CHSY3: variants seen among roughly 807,000 people sequenced by gnomAD.
The protein encoded by CHSY3 is N-acetylgalactosaminyl-proteoglycan 3-beta-glucuronosyltransferase 3.
A neutral mutation model predicts 67.2 loss-of-function variants in CHSY3; 35 were observed. The ratio of observed to expected loss-of-function variants is 0.52; its 90% CI spans 0.40 to 0.69. The LOEUF (loss-of-function observed/expected upper bound fraction) is 0.69. Ranked by LOEUF, CHSY3 falls within the 30% of genes least tolerant of loss-of-function variation. The pLI, the probability that CHSY3 is intolerant of heterozygous loss-of-function variation, is 0.00. For synonymous variants in CHSY3, 474 were observed against 434.7 expected (o/e 1.09, Z -1.12); for missense variants, 1,069 against 1,138.5 (o/e 0.94, Z 0.88).
chr5:129,952,229 C>T (rs1307996206), intron 2 of CHSY3, among the ~76,000 whole-genome samples: 1 of 152,082 alleles, frequency 6.6e-6, no homozygotes, highest in Non-Finnish European at 1.5e-5. Context: ...AAGCAGAGCC[C>T]TTGTCCTGCT....
At chr5:129,992,099 G>A (rs1034051421) in intron 2 of CHSY3, among the ~76,000 whole-genome samples, 3 of 152,124 alleles carry the variant, frequency 2.0e-5, no homozygotes, top group African/African-American at 7.2e-5. Flanking sequence ...TTTCTTTTCT[G>A]GGAACTTCTT....
At chr5:129,984,749 T>G (rs977934288) in intron 2 of CHSY3, among the ~76,000 whole-genome samples, 1 of 152,316 alleles carries the variant, frequency 6.6e-6, no homozygotes, top group African/African-American at 2.4e-5. Context: ...ATTGTGGTTT[T>G]TATTTGCATA....
chr5:130,119,641 C>G (rs73785896), intron 2 of CHSY3, among the ~76,000 whole-genome samples: 38 of 152,136 alleles, frequency 2.5e-4, no homozygotes, highest in African/African-American at 9.2e-4. Flanking sequence ...TGCTTATATT[C>G]TTGACTCAGC....
intron 2 of CHSY3, among the ~76,000 whole-genome samples, chr5:129,997,426 A>G (rs1006849729): frequency 1.3e-5 from 2 of 152,182 alleles, no homozygotes; most frequent in African/African-American, 4.8e-5. Context: ...CCCCATGCCA[A>G]CTCAGATCCT....
chr5:130,129,080 A>G (rs1411628916), intron 2 of CHSY3, among the ~76,000 whole-genome samples: 8 of 152,164 alleles, frequency 5.3e-5, no homozygotes, highest in African/African-American at 1.7e-4. Context: ...GGGTGGACAC[A>G]GAAAGTCCTA....
chr5:129,939,629 T>C (rs1761634856), intron 2 of CHSY3, among the ~76,000 whole-genome samples: 1 of 152,242 alleles, frequency 6.6e-6, no homozygotes, highest in South Asian at 2.1e-4. Context: ...AAGTCTTGTC[T>C]ATCTGAATGA....
chr5:129,904,167 G>C (rs1343376984), upstream of CHSY3, among the ~76,000 whole-genome samples: 1 of 151,862 alleles, frequency 6.6e-6, no homozygotes, highest in East Asian at 2.0e-4. Context: ...GAAATGGGAC[G>C]AAGAGCAAGA....
At chr5:129,932,163 C>G (rs1188975222) in intron 2 of CHSY3, among the ~76,000 whole-genome samples, 2 of 137,310 alleles carry the variant, frequency 1.5e-5, no homozygotes, top group African/African-American at 2.8e-5. Flanking sequence ...AGTTAGCTAT[C>G]TATCAGAGTC....
At chr5:129,970,773 T>A (rs952657481) in intron 2 of CHSY3, among the ~76,000 whole-genome samples, 1 of 151,908 alleles carries the variant, frequency 6.6e-6, no homozygotes, top group Non-Finnish European at 1.5e-5. Context: ...TGCTACCAGC[T>A]ACTCTAGGCT....
At chr5:130,042,586 A>T (rs1203815874) in intron 2 of CHSY3, among the ~76,000 whole-genome samples, 2 of 152,098 alleles carry the variant, frequency 1.3e-5, no homozygotes, top group African/African-American at 2.4e-5. Flanking sequence ...GAGCATTTAT[A>T]TTCTCAGTTT....
intron 2 of CHSY3, among the ~76,000 whole-genome samples, chr5:129,977,064 C>T (rs961063911): frequency 6.6e-6 from 1 of 151,720 alleles, no homozygotes; most frequent in African/African-American, 2.4e-5. Flanking sequence ...CATTTTATAC[C>T]TCGAATCTGA....
chr5:130,087,413 G>A (rs1321503392), intron 2 of CHSY3, among the ~76,000 whole-genome samples: 2 of 152,136 alleles, frequency 1.3e-5, no homozygotes, highest in African/African-American at 4.8e-5. Context: ...ATTAGGAAAA[G>A]AGGAAGTCAA....
intron 2 of CHSY3, among the ~76,000 whole-genome samples, chr5:130,018,752 T>C (rs575421150): frequency 3.9e-5 from 6 of 152,304 alleles, no homozygotes; most frequent in Non-Finnish European, 4.4e-5. Context: ...AGTGTGGTGA[T>C]GTTTGGAGAT....
At chr5:130,073,106 A>T (rs1189713507) in intron 2 of CHSY3, among the ~76,000 whole-genome samples, 2 of 152,158 alleles carry the variant, frequency 1.3e-5, no homozygotes, top group Non-Finnish European at 2.9e-5. Context: ...CACTGTTGTT[A>T]GTAGTGTGTT....
chr5:129,955,819 C>T (rs1243112489), intron 2 of CHSY3, among the ~76,000 whole-genome samples: 1 of 152,102 alleles, frequency 6.6e-6, no homozygotes, highest in African/African-American at 2.4e-5. Context: ...CATTAGTTTG[C>T]TAAGGATGAT....
Position 130,041,253 on chromosome 5 carries a change from A to T in CHSY3, c.1086+132893A>T, listed in dbSNP as rs1452443315. On this transcript the variant is annotated intron_variant, in intron 2 of 2. Transcript: ENST00000305031. The stretch of plus-strand genomic sequence containing the variant: ...CAAAGTGGAATAAACTCTGCTGTGC[A>T]ATTGGCATCCATTTCTCCCCAAGCA... 2.0e-5 allele frequency among the ~76,000 whole-genome samples: 3 copies of T among 152,080 alleles called. No homozygotes were observed. In the East Asian group the frequency reaches 5.8e-4, roughly 29 times the overall value.
chr5:130,132,662 G>T (rs1218228484), intron 2 of CHSY3, among the ~76,000 whole-genome samples: 2 of 152,132 alleles, frequency 1.3e-5, no homozygotes, highest in Admixed American at 6.5e-5. Context: ...ATAGCCCAGT[G>T]GTTCTCAACA....
intron 2 of CHSY3, among the ~76,000 whole-genome samples, chr5:129,937,208 C>T (rs569231228): frequency 5.0e-4 from 76 of 152,282 alleles, no homozygotes; most frequent in African/African-American, 1.8e-3. Flanking sequence ...CAGGCTTCTG[C>T]TTCTGCAGAG....
At chr5:129,981,761 G>A (rs1762991939) in intron 2 of CHSY3, among the ~76,000 whole-genome samples, 1 of 152,090 alleles carries the variant, frequency 6.6e-6, no homozygotes, top group Non-Finnish European at 1.5e-5. Flanking sequence ...ATGGAGTGAG[G>A]GGATATCCTT....
Sources: allele counts gnomAD v4.1 joint callset (sites outside exome capture counted in the v4.1 genomes callset), GRCh38; gene constraint gnomAD v4.1.1; transcripts MANE v1.5; gene names NCBI Gene and HGNC (gene_info 2026-07-23, HGNC 2026-07-21).